The following SIL1 variants were observed in gnomAD, a reference collection of about 807,000 sequenced individuals.
SIL1 encodes nucleotide exchange factor SIL1.
SIL1 carries 40 observed loss-of-function variants against 49.1 expected under a neutral mutation model. The observed-to-expected ratio is 0.81, with a 90% CI of 0.63 to 1.06. The LOEUF is 1.06. Among genes scored for constraint, SIL1 ranks in the 50% least tolerant of loss-of-function variants. The pLI is 0.00. For missense variants in SIL1, 500 were observed against 572.6 expected (o/e 0.87, Z 1.29); for synonymous variants, 253 against 250.8 (o/e 1.01, Z -0.08).
chr5:139,112,726 C>T (rs1160810848), intron 3 of SIL1, among the ~76,000 whole-genome samples: 2 of 151,308 alleles, frequency 1.3e-5, no homozygotes, highest in Non-Finnish European at 3.0e-5. Flanking sequence ...AGGTGGGGGG[C>T]GCCTCTGCCC....
intron 5 of SIL1, among the ~76,000 whole-genome samples, chr5:139,029,301 G>A (rs947592863): frequency 3.3e-4 from 50 of 152,164 alleles, no homozygotes; most frequent in Non-Finnish European, 4.6e-4. Context: ...TGCAGACAGA[G>A]GGACTCAGCA....
chr5:139,042,632 T>C lies in SIL1; in HGVS notation c.441A>G (p.Ser147=), dbSNP rs375129562. 1.9e-6 allele frequency: 3 copies of C among 1,614,042 alleles called. No homozygotes were observed. In the African/African-American group the frequency reaches 4.0e-5, roughly 22 times the overall value. Residue 147 remains serine (S), a synonymous_variant, in exon 5 of 10, where the codon TCA becomes TCG. Coordinates refer to ENST00000394817, the MANE Select transcript of SIL1 (RefSeq NM_022464.5). ...KFKEGAEMES[S]KEDKARQAEV... ...AATAATCACACACCTTGTCTTCCTTTGAACTCTCCATCTCTGCCCCCTCCT... is the reference window on the plus strand; with the variant it reads ...AATAATCACACACCTTGTCTTCCTTCGAACTCTCCATCTCTGCCCCCTCCT...
intron 1 of SIL1, chr5:139,137,209 C>T (rs1750991576): frequency 1.6e-6 from 1 of 628,304 alleles, no homozygotes; most frequent in African/African-American, 1.8e-5. Context: ...TTATAGAGAA[C>T]TTTCCATGTT....
intron 3 of SIL1, among the ~76,000 whole-genome samples, chr5:139,062,818 G>T (rs1769622483): frequency 6.6e-6 from 1 of 152,220 alleles, no homozygotes; most frequent in African/African-American, 2.4e-5. Context: ...ATCTCCTGAG[G>T]ACTGGGCAAG....
chr5:138,951,844 G>A lies in SIL1; in HGVS notation c.808C>T (p.Leu270=), dbSNP rs921761718. ...VQVEAIEGGA[L]QKLLVILATE... ...GCCAGGATGACCAGCAGCTTCTGCA[G>A]GGCTCCCCCTTCGATGGCCTCCACC... The change falls in exon 8 of 10, where the codon CTG becomes TTG. Residue 270 remains leucine (L), a synonymous_variant. Coordinates refer to ENST00000394817, the MANE Select transcript of SIL1 (RefSeq NM_022464.5). 2 of 1,613,942 alleles carry A rather than the reference G, an allele frequency of 1.2e-6. No individual in the cohort carries two copies. Among genetic ancestry groups the A allele is most frequent in the Non-Finnish European group, 1.7e-6 (2 of 1,180,038 alleles).
intron 7 of SIL1, among the ~76,000 whole-genome samples, chr5:138,995,389 C>A (rs1767843381): frequency 6.6e-6 from 1 of 152,008 alleles, no homozygotes; most frequent in African/African-American, 2.4e-5. Context: ...GGATTACAGG[C>A]ATGCACCACC....
intron 3 of SIL1, among the ~76,000 whole-genome samples, chr5:139,055,954 G>A (rs987296524): frequency 3.3e-5 from 5 of 152,088 alleles, no homozygotes; most frequent in African/African-American, 1.2e-4. Context: ...ATTGCAGACA[G>A]AGTCTCCTTC....
At chr5:139,079,856 T>C (rs2151769788) in intron 3 of SIL1, among the ~76,000 whole-genome samples, 1 of 152,374 alleles carries the variant, frequency 6.6e-6, no homozygotes, top group South Asian at 2.1e-4. Context: ...ATGCACTGGC[T>C]ACACCAACAT....
intron 1 of SIL1, among the ~76,000 whole-genome samples, chr5:139,165,743 C>T (rs990678916): frequency 1.2e-4 from 19 of 152,004 alleles, no homozygotes; most frequent in African/African-American, 4.6e-4. Flanking sequence ...CTGCAACCTC[C>T]GCTTCCTGTG....
At chr5:139,061,515 T>C (rs922400236) in intron 3 of SIL1, among the ~76,000 whole-genome samples, 1 of 152,200 alleles carries the variant, frequency 6.6e-6, no homozygotes, top group Admixed American at 6.6e-5. Context: ...CACTTGGCTA[T>C]CTTTGTTGGC....
At chr5:139,123,064 G>A (rs923893480) in intron 2 of SIL1, among the ~76,000 whole-genome samples, 1 of 152,150 alleles carries the variant, frequency 6.6e-6, no homozygotes, top group Non-Finnish European at 1.5e-5. Context: ...GTACATGGTG[G>A]CTGCTACTAT....
chr5:139,053,872 C>T (rs10043676), intron 3 of SIL1, among the ~76,000 whole-genome samples: 63,652 of 152,182 alleles, frequency 0.42, 14,113 homozygotes, highest in African/African-American at 0.58. Context: ...TTATAGCACT[C>T]ACCACAATCA....
chr5:139,006,478 T>C (rs1412453169), intron 7 of SIL1, among the ~76,000 whole-genome samples: 43 of 123,004 alleles, frequency 3.5e-4, no homozygotes, highest in African/African-American at 1.0e-3. Context: ...TTTGTCAATT[T>C]TGGCTTTTGT....
chr5:139,185,044 G>A lies in SIL1; in HGVS notation c.-11+13225C>T, dbSNP rs148983739. 1.4e-3 allele frequency among the ~76,000 whole-genome samples: 214 copies of A among 152,222 alleles called. 1 individual carries two copies. The highest frequency in any genetic ancestry group is 5.0e-3 in the African/African-American group (209 of 41,526). On this transcript the variant is annotated intron_variant, in intron 1 of 9. Transcript: ENST00000394817. ...AACATTATTTCCTTATAACACCGACGAGAAAAAAATAATTGTTTCCCAGCC... is the reference window on the plus strand; with the variant it reads ...AACATTATTTCCTTATAACACCGACAAGAAAAAAATAATTGTTTCCCAGCC...
chr5:139,064,630 G>A (rs971743637), intron 3 of SIL1, among the ~76,000 whole-genome samples: 2 of 152,224 alleles, frequency 1.3e-5, no homozygotes, highest in African/African-American at 4.8e-5. Context: ...TTGGTATTGA[G>A]AGACCTACTA....
chr5:139,171,887 T>C (rs917627597), intron 1 of SIL1, among the ~76,000 whole-genome samples: 1 of 151,838 alleles, frequency 6.6e-6, no homozygotes, highest in Non-Finnish European at 1.5e-5. Flanking sequence ...TGGAAAAAGA[T>C]TAAAATATCA....
intron 1 of SIL1, among the ~76,000 whole-genome samples, chr5:139,145,815 G>A (rs1751184727): frequency 1.3e-5 from 2 of 151,990 alleles, no homozygotes; most frequent in South Asian, 4.2e-4. Context: ...GCTGGGTGTG[G>A]TGGCCCACTA....
At chr5:139,161,364 G>A (rs1242636902) in intron 1 of SIL1, among the ~76,000 whole-genome samples, 1 of 152,228 alleles carries the variant, frequency 6.6e-6, no homozygotes, top group Non-Finnish European at 1.5e-5. Context: ...GCCGTATAGT[G>A]AAGAGTAGAC....
At chr5:139,004,255 C>T (rs1420723829) in intron 7 of SIL1, among the ~76,000 whole-genome samples, 2 of 152,160 alleles carry the variant, frequency 1.3e-5, no homozygotes, top group African/African-American at 2.4e-5. Flanking sequence ...TCCACCTCAG[C>T]CTCCCAAAGT....
Sources: allele counts gnomAD v4.1 joint callset (sites outside exome capture counted in the v4.1 genomes callset), GRCh38; gene constraint gnomAD v4.1.1; transcripts MANE v1.5; gene names NCBI Gene and HGNC (gene_info 2026-07-23, HGNC 2026-07-21).